The following STPG2 variants were observed in gnomAD, a reference collection of about 807,000 sequenced individuals.
STPG2 encodes the protein sperm tail PG-rich repeat containing 2, also known as sperm-tail PG-rich repeat-containing protein 2.
In STPG2, 56 loss-of-function variants were observed where a neutral mutation model predicts 54.2. The ratio of observed to expected loss-of-function variants is 1.03; its 90% CI spans 0.83 to 1.29. The LOEUF (loss-of-function observed/expected upper bound fraction) is 1.29. Ranked by LOEUF, STPG2 falls within the 50% of genes most tolerant of loss-of-function variation. The pLI is 0.00. For synonymous variants in STPG2, 200 were observed against 181.8 expected (o/e 1.10, Z -0.81); for missense variants, 596 against 544.9 (o/e 1.09, Z -0.93).
chr4:97,859,461 CTTTTCT>C (rs1397748515), intron 8 of STPG2, among the ~76,000 whole-genome samples: 45 of 137,690 alleles, frequency 3.3e-4, no homozygotes, highest in African/African-American at 9.7e-4. Context: ...TCTTTCTTTT[CTTTTCT>C]TTTTTTTTTT....
At chr4:97,732,165 G>A (rs1291765352) in intron 9 of STPG2, among the ~76,000 whole-genome samples, 3 of 152,154 alleles carry the variant, frequency 2.0e-5, no homozygotes, top group Admixed American at 6.5e-5. Context: ...ACCTATGGTC[G>A]CATTTTGCCG....
At chr4:97,777,931 G>C (rs577810393) in intron 9 of STPG2, among the ~76,000 whole-genome samples, 1 of 152,164 alleles carries the variant, frequency 6.6e-6, no homozygotes, top group South Asian at 2.1e-4. Flanking sequence ...CAATCAGGGG[G>C]GTGGTTCCAA....
At chr4:97,858,533 G>C (rs1729402777) in intron 8 of STPG2, among the ~76,000 whole-genome samples, 1 of 152,068 alleles carries the variant, frequency 6.6e-6, no homozygotes, top group African/African-American at 2.4e-5. Flanking sequence ...GTACCCAATA[G>C]TATTTTATCC....
intron 10 of STPG2, among the ~76,000 whole-genome samples, chr4:97,580,640 C>T (rs968751599): frequency 7.9e-5 from 12 of 151,836 alleles, no homozygotes; most frequent in Non-Finnish European, 1.2e-4. Context: ...ATCAAGAAAA[C>T]TTCCAGCCTC....
rs138081390 is a variant in STPG2, at chr4:98,107,958, T to C, written c.500+1235A>G. On this transcript the variant is annotated intron_variant, in intron 4 of 10. Transcript: ENST00000295268. ...TAAGTAAAGACTTAATTAAGCTAAA[T>C]ATGCATGTTAAGGTTCTAGCATAAC... Among the ~76,000 whole-genome samples the C allele has an allele frequency of 6.8e-3, 1,035 of 152,182 alleles. 26 individuals are homozygous for C. The highest frequency in any genetic ancestry group is 0.058 in the Middle Eastern group (17 of 294).
At chr4:98,032,394 C>G (rs1271813304) in intron 5 of STPG2, among the ~76,000 whole-genome samples, 1 of 152,026 alleles carries the variant, frequency 6.6e-6, no homozygotes, top group South Asian at 2.1e-4. Flanking sequence ...CCACCTGTAA[C>G]CCAATAACTT....
chr4:97,615,175 T>C (rs577571774), intron 10 of STPG2, among the ~76,000 whole-genome samples: 2 of 152,300 alleles, frequency 1.3e-5, no homozygotes, highest in Non-Finnish European at 2.9e-5. Context: ...GAATGCATGT[T>C]GCTTTGAAAG....
chr4:98,103,824 CT>C (rs1386575690), intron 5 of STPG2, among the ~76,000 whole-genome samples: 1 of 152,080 alleles, frequency 6.6e-6, no homozygotes, highest in Non-Finnish European at 1.5e-5. Flanking sequence ...AGGATCTGTT[CT>C]TAATTTTCTT....
intron 10 of STPG2, among the ~76,000 whole-genome samples, chr4:97,589,645 G>T (rs1437690994): frequency 6.6e-6 from 1 of 152,110 alleles, no homozygotes; most frequent in African/African-American, 2.4e-5. Context: ...CTCAGCCTTT[G>T]TAGTGCAAAT....
rs1739275971 is a variant in STPG2, at chr4:98,109,228, CT to C, written c.464del (p.Lys155SerfsTer11). ...CATACTGTCCTGGACCAGGACCTGA[CT>C]TTTTAGGTAACTCTTGTCTTCCTGA... ...NSSGRQELPK[K>X]SGPGPGQYDI... On this transcript the variant is annotated frameshift_variant, in exon 4 of 11. Transcript: ENST00000295268. LOFTEE classifies it high-confidence loss of function. 5 of 1,611,010 alleles carry C rather than the reference CT, an allele frequency of 3.1e-6. No individual in the cohort carries two copies. The highest frequency in any genetic ancestry group is 1.3e-5 in the African/African-American group (1 of 74,782).
intron 10 of STPG2, among the ~76,000 whole-genome samples, chr4:97,698,733 C>T (rs1483963676): frequency 2.0e-5 from 3 of 152,002 alleles, no homozygotes; most frequent in African/African-American, 7.2e-5. Flanking sequence ...GAATACTTTG[C>T]CAGAGCCCGG....
At chr4:97,654,512 C>G (rs1183398852) in intron 10 of STPG2, among the ~76,000 whole-genome samples, 1 of 152,098 alleles carries the variant, frequency 6.6e-6, no homozygotes, top group Non-Finnish European at 1.5e-5. Flanking sequence ...TGCAACTCTA[C>G]CCTTTGACAC....
chr4:97,456,926 A>G (rs1000167471), intron 4 of STPG2, among the ~76,000 whole-genome samples: 6 of 150,804 alleles, frequency 4.0e-5, no homozygotes, highest in Non-Finnish European at 8.8e-5. Flanking sequence ...AAAAAAAAAA[A>G]GATGGGTAAA....
At chr4:98,098,431 G>A (rs949910575) in intron 5 of STPG2, among the ~76,000 whole-genome samples, 2 of 152,144 alleles carry the variant, frequency 1.3e-5, no homozygotes, top group Admixed American at 6.5e-5. Flanking sequence ...CCAGAAGGAT[G>A]AAACTAGACC....
At chr4:97,860,517 A>ATTATT (rs1245582853) in intron 8 of STPG2, among the ~76,000 whole-genome samples, 4 of 109,176 alleles carry the variant, frequency 3.7e-5, no homozygotes, top group South Asian at 2.8e-4. Flanking sequence ...ATTTTATTTT[A>ATTATT]TTATTTTATT....
intron 10 of STPG2, among the ~76,000 whole-genome samples, chr4:97,612,458 T>G (rs1733755549): frequency 6.6e-6 from 1 of 152,074 alleles, no homozygotes. Context: ...GACCCTATAA[T>G]CCTCTTGCAA....
chr4:97,551,913 A>G (rs1178889596), intron 4 of STPG2, among the ~76,000 whole-genome samples: 2 of 152,154 alleles, frequency 1.3e-5, no homozygotes, highest in South Asian at 4.1e-4. Flanking sequence ...GATGATACAC[A>G]TAATGCAAAA....
chr4:97,563,293 C>A (rs1303318165), intron 10 of STPG2, among the ~76,000 whole-genome samples: 1 of 150,250 alleles, frequency 6.7e-6, no homozygotes, highest in African/African-American at 2.5e-5. Context: ...GTGATATCCC[C>A]TTTGTCATTT....
At chr4:98,004,818 C>T (rs1198762537) in intron 5 of STPG2, among the ~76,000 whole-genome samples, 1 of 151,854 alleles carries the variant, frequency 6.6e-6, no homozygotes, top group Non-Finnish European at 1.5e-5. Context: ...GGTTATTTGC[C>T]CATTTTAAAA....
Sources: allele counts gnomAD v4.1 joint callset (sites outside exome capture counted in the v4.1 genomes callset), GRCh38; gene constraint gnomAD v4.1.1; transcripts MANE v1.5; gene names NCBI Gene and HGNC (gene_info 2026-07-23, HGNC 2026-07-21).